Variants in KDM4C observed in about 807,000 individuals in gnomAD.
KDM4C encodes the protein lysine demethylase 4C, also known as lysine-specific demethylase 4C.
A neutral mutation model predicts 129.3 loss-of-function variants in KDM4C; 81 were observed. The observed-to-expected ratio is 0.63, with a 90% CI of 0.52 to 0.75. KDM4C has a LOEUF of 0.75. Among genes scored for constraint, KDM4C ranks in the 30% least tolerant of loss-of-function variants. The pLI is 0.00. For missense variants in KDM4C, 1,457 were observed against 1,304.0 expected, an observed-to-expected ratio of 1.12 and a Z score of -1.81; for synonymous variants, 573 against 456.1, an observed-to-expected ratio of 1.26 and a Z score of -3.26.
chr9:7,053,869 G>A (rs534218995), intron 17 of KDM4C, among the ~76,000 whole-genome samples: 16 of 152,184 alleles, frequency 1.1e-4, no homozygotes, highest in Admixed American at 2.0e-4. Flanking sequence ...AAATGAAAAT[G>A]CTAACAAATC....
chr9:7,155,222 A>G (rs961393098), intron 19 of KDM4C, among the ~76,000 whole-genome samples: 17 of 152,186 alleles, frequency 1.1e-4, no homozygotes, highest in African/African-American at 4.1e-4. Flanking sequence ...CCTGGTGCTG[A>G]ACCCAAGGAT....
At chr9:6,913,105 A>C (rs1819626232) in intron 8 of KDM4C, among the ~76,000 whole-genome samples, 2 of 152,244 alleles carry the variant, frequency 1.3e-5, no homozygotes, top group African/African-American at 4.8e-5. Flanking sequence ...ACCTTGGTTA[A>C]GTAACGATGG....
At chr9:6,811,799 T>C (rs1831199949) in intron 3 of KDM4C, among the ~76,000 whole-genome samples, 1 of 152,110 alleles carries the variant, frequency 6.6e-6, no homozygotes, top group African/African-American at 2.4e-5. Flanking sequence ...TTTAAACATG[T>C]GTAGCCTGGC....
At chr9:6,788,727 C>A (rs972163443) in intron 1 of KDM4C, among the ~76,000 whole-genome samples, 3 of 152,144 alleles carry the variant, frequency 2.0e-5, no homozygotes, top group African/African-American at 7.2e-5. Flanking sequence ...GAGCTGATGG[C>A]TCAGTGGGTG....
At chr9:7,040,288 T>C (rs1457594466) in intron 15 of KDM4C, among the ~76,000 whole-genome samples, 4 of 151,906 alleles carry the variant, frequency 2.6e-5, no homozygotes, top group Admixed American at 2.6e-4. Context: ...TCATTCTCTC[T>C]TTCCCTTTCC....
At chr9:7,147,340 G>A (rs535290207) in intron 19 of KDM4C, among the ~76,000 whole-genome samples, 6 of 152,162 alleles carry the variant, frequency 3.9e-5, no homozygotes, top group South Asian at 2.1e-4. Flanking sequence ...TTGGAAAGCC[G>A]GACATATAAA....
chr9:7,053,038 G>T (rs1392984588), intron 17 of KDM4C, among the ~76,000 whole-genome samples: 1 of 152,144 alleles, frequency 6.6e-6, no homozygotes, highest in East Asian at 1.9e-4. Context: ...GTCCCTTGGG[G>T]CAAGTTAGAG....
chr9:6,949,614 A>G (rs947194447), intron 8 of KDM4C, among the ~76,000 whole-genome samples: 9 of 152,216 alleles, frequency 5.9e-5, no homozygotes, highest in African/African-American at 9.6e-5. Context: ...CGAGGCTGGC[A>G]GATCACTCGC....
rs188725665 is a variant in KDM4C at position 7,060,663 on chromosome 9, G to A, written c.2424+11463G>A. Among the ~76,000 whole-genome samples, 402 of 151,918 alleles carry A rather than the reference G, an allele frequency of 2.6e-3. 2 individuals carry two copies. Among genetic ancestry groups the A allele is most frequent in the Admixed American group, 7.1e-3 (108 of 15,246 alleles). On this transcript the variant is annotated intron_variant, in intron 17 of 21. Transcript: ENST00000381309. ...TGCCCAGCTAATTTTTGTGTTTTTA[G>A]TAGAGACAGGGTTTCACCATGTTGG...
intron 4 of KDM4C, among the ~76,000 whole-genome samples, chr9:6,820,630 A>G (rs774032513): frequency 5.9e-5 from 9 of 151,668 alleles, no homozygotes; most frequent in Non-Finnish European, 1.2e-4. Context: ...TTTTTAAAGG[A>G]CTAGATCAGA....
At chr9:6,878,336 G>T (rs983382480) in intron 5 of KDM4C, among the ~76,000 whole-genome samples, 26 of 152,136 alleles carry the variant, frequency 1.7e-4, no homozygotes, top group African/African-American at 5.8e-4. Flanking sequence ...GATATTTATA[G>T]AATTTGAAAA....
chr9:7,039,002 GTTAA>G (rs1387935285), intron 15 of KDM4C, among the ~76,000 whole-genome samples: 2 of 151,830 alleles, frequency 1.3e-5, no homozygotes, highest in Non-Finnish European at 2.9e-5. Context: ...GTTATTTTAT[GTTAA>G]TTATGTTGTA....
chr9:7,073,892 A>G (rs908542215), intron 17 of KDM4C, among the ~76,000 whole-genome samples: 8 of 152,292 alleles, frequency 5.3e-5, no homozygotes, highest in East Asian at 3.9e-4. Context: ...AGACGCATAC[A>G]TCTATCATCT....
chr9:7,118,839 C>T (rs193021166), intron 18 of KDM4C, among the ~76,000 whole-genome samples: 73 of 152,098 alleles, frequency 4.8e-4, no homozygotes, highest in African/African-American at 1.8e-3. Context: ...ACATCTCCGC[C>T]CATGACTCAT....
intron 8 of KDM4C, among the ~76,000 whole-genome samples, chr9:6,938,958 CT>C (rs1825331975): frequency 6.6e-6 from 1 of 151,994 alleles, no homozygotes. Context: ...ATTTGTTGTT[CT>C]GTCTGTAGTT....
At chr9:6,750,337 G>T (rs1354770335) in intron 1 of KDM4C, among the ~76,000 whole-genome samples, 2 of 151,896 alleles carry the variant, frequency 1.3e-5, no homozygotes, top group African/African-American at 4.8e-5. Context: ...TACTCAGGGG[G>T]CTACGGCAGG....
intron 15 of KDM4C, among the ~76,000 whole-genome samples, chr9:7,017,552 A>C (rs541448818): frequency 6.6e-6 from 1 of 152,144 alleles, no homozygotes; most frequent in Admixed American, 6.5e-5. Flanking sequence ...CTAACAATCT[A>C]TGTCAACTTT....
intron 8 of KDM4C, among the ~76,000 whole-genome samples, chr9:6,957,673 A>G (rs1056044284): frequency 2.0e-5 from 3 of 152,084 alleles, no homozygotes; most frequent in African/African-American, 7.2e-5. Flanking sequence ...TGTTTGTGAA[A>G]TGGAACCAGG....
chr9:6,934,155 G>C (rs1156840622), intron 8 of KDM4C, among the ~76,000 whole-genome samples: 1 of 145,856 alleles, frequency 6.9e-6, no homozygotes, highest in Non-Finnish European at 1.5e-5. Context: ...GCCTGGCCCA[G>C]GTCTTCCTGA....
Sources: allele counts gnomAD v4.1 joint callset (sites outside exome capture counted in the v4.1 genomes callset), GRCh38; gene constraint gnomAD v4.1.1; transcripts MANE v1.5; gene names NCBI Gene and HGNC (gene_info 2026-07-23, HGNC 2026-07-21).